The following LMO1 variants were observed in gnomAD, a reference collection of about 807,000 sequenced individuals.
LMO1 encodes the protein LIM domain only 1.
LMO1 carries 10 observed loss-of-function variants against 18.0 expected under a neutral mutation model. The observed-to-expected ratio is 0.55, with a 90% confidence interval of 0.34 to 0.94. The LOEUF is 0.94. LMO1 is among the 40% of genes least tolerant of loss of function. The pLI is 0.02. For missense variants in LMO1, 183 were observed against 205.7 expected (o/e 0.89, Z 0.68); for synonymous variants, 77 against 77.9 (o/e 0.99, Z 0.06).
intron 1 of LMO1, among the ~76,000 whole-genome samples, chr11:8,236,553 G>A (rs1019744729): frequency 1.3e-5 from 2 of 151,946 alleles, no homozygotes; most frequent in African/African-American, 4.8e-5. Context: ...CATGTGCTGT[G>A]CTGCAGGGCT....
At chr11:8,243,588 G>A (rs1261814193) in intron 1 of LMO1, among the ~76,000 whole-genome samples, 3 of 152,300 alleles carry the variant, frequency 2.0e-5, no homozygotes, top group South Asian at 2.1e-4. Context: ...TGGTATGGCC[G>A]CAGGCTGCAT....
At chr11:8,250,173 G>A (rs1846965593) in intron 1 of LMO1, among the ~76,000 whole-genome samples, 1 of 152,092 alleles carries the variant, frequency 6.6e-6, no homozygotes, top group Non-Finnish European at 1.5e-5. Context: ...TTTTGCCACT[G>A]TCAGGATTTC....
At chr11:8,265,506 A>G (rs1341036276), upstream of LMO1, among the ~76,000 whole-genome samples, 1 of 152,224 alleles carries the variant, frequency 6.6e-6, no homozygotes, top group Non-Finnish European at 1.5e-5. Context: ...CCTCATCTGC[A>G]GCTCAGAGGG....
chr11:8,228,255 A>G (rs1333161409), intron 2 of LMO1, among the ~76,000 whole-genome samples: 3 of 152,224 alleles, frequency 2.0e-5, no homozygotes, highest in Non-Finnish European at 4.4e-5. Context: ...CCTTGGCTGG[A>G]TGTCCCAATG....
chr11:8,229,735 T>G (rs879892055), intron 2 of LMO1, among the ~76,000 whole-genome samples: 1 of 152,222 alleles, frequency 6.6e-6, no homozygotes, highest in Non-Finnish European at 1.5e-5. Context: ...GGCTCACAGC[T>G]AGTTCCAACC....
intron 1 of LMO1, among the ~76,000 whole-genome samples, chr11:8,238,011 G>C (rs1590537689): frequency 6.6e-6 from 1 of 152,236 alleles, no homozygotes; most frequent in Non-Finnish European, 1.5e-5. Context: ...AAAGCAATTA[G>C]CTGAGAAAAT....
intron 1 of LMO1, among the ~76,000 whole-genome samples, chr11:8,240,103 T>C (rs902548538): frequency 4.4e-5 from 4 of 91,204 alleles, no homozygotes; most frequent in Admixed American, 1.5e-4. Context: ...CTCCAAGCAA[T>C]GGGGAAAGTG....
intron 1 of LMO1, among the ~76,000 whole-genome samples, chr11:8,245,687 T>A (rs760628472): frequency 6.6e-6 from 1 of 152,242 alleles, no homozygotes; most frequent in African/African-American, 2.4e-5. Flanking sequence ...GCTTCTCTCC[T>A]AAACACTCAT....
chr11:8,229,107 C>T (rs1035183439), intron 2 of LMO1, among the ~76,000 whole-genome samples: 3 of 151,702 alleles, frequency 2.0e-5, no homozygotes, highest in African/African-American at 4.8e-5. Context: ...GGGTTGGTCT[C>T]GAACTCCTGA....
chr11:8,251,994 G>T (rs900997786), intron 1 of LMO1, among the ~76,000 whole-genome samples: 1 of 54,500 alleles, frequency 1.8e-5, no homozygotes, highest in African/African-American at 4.0e-5. Context: ...GGGGGTGTGC[G>T]TGTGTGTGTG....
chr11:8,267,641 C>T (rs1442384157), upstream of LMO1, among the ~76,000 whole-genome samples: 1 of 152,218 alleles, frequency 6.6e-6, no homozygotes, highest in Non-Finnish European at 1.5e-5. Flanking sequence ...GCGTGGGGCT[C>T]TTTAAGAAAA....
chr11:8,266,392 C>A (rs920032173), upstream of LMO1, among the ~76,000 whole-genome samples: 6 of 151,772 alleles, frequency 4.0e-5, no homozygotes, highest in African/African-American at 1.5e-4. Context: ...CCCACCCAAG[C>A]TGCTTCTAGG....
chr11:8,246,242 A>G (rs1357435099), intron 1 of LMO1, among the ~76,000 whole-genome samples: 1 of 152,224 alleles, frequency 6.6e-6, no homozygotes, highest in African/African-American at 2.4e-5. Context: ...TTGTACATGA[A>G]CGTTCCTAGC....
chr11:8,263,703 CTG>C lies in LMO1; in HGVS notation c.-343_-342del. The C allele has an allele frequency of 8.2e-7, 1 of 1,219,186 alleles. No homozygotes were observed. Among genetic ancestry groups the C allele is most frequent in the Non-Finnish European group, 1.0e-6 (1 of 977,442 alleles). 75.5% of individuals were successfully genotyped at this position (1,219,186 alleles called of 1,614,324 possible). On this transcript the variant is annotated 5_prime_UTR_variant, in exon 1 of 4. Coordinates refer to ENST00000335790, the MANE Select transcript of LMO1 (RefSeq NM_002315.3). ...AATGGCTCAATTTGCCCAGTATAAT[CTG>C]TCTTAATGTAATTGCATTTGATAGC...
intron 1 of LMO1, among the ~76,000 whole-genome samples, chr11:8,247,046 C>T (rs1048495022): frequency 2.0e-5 from 3 of 152,248 alleles, no homozygotes; most frequent in Non-Finnish European, 4.4e-5. Flanking sequence ...CTCTCCTTGG[C>T]CCATCTGCTT....
upstream of LMO1, chr11:8,268,471 C>CTAGCGCCGAGGATACGGAGGGGCGCG (rs1847283835): frequency 6.3e-6 from 9 of 1,431,784 alleles, no homozygotes; most frequent in African/African-American, 1.3e-4. Context: ...TCCAGCCGGA[C>CTAGCGCCGAGGATACGGAGGGGCGCG]TAGCGCCGAG....
At chr11:8,245,883 G>A (rs752516180) in intron 1 of LMO1, among the ~76,000 whole-genome samples, 29 of 152,190 alleles carry the variant, frequency 1.9e-4, no homozygotes, top group Admixed American at 1.4e-3. Context: ...TCTGCTCCTG[G>A]TGAGTCCTCA....
chr11:8,256,264 T>C (rs1282805207), intron 1 of LMO1, among the ~76,000 whole-genome samples: 2 of 152,232 alleles, frequency 1.3e-5, no homozygotes, highest in Non-Finnish European at 2.9e-5. Flanking sequence ...CATGAAACTT[T>C]CTGGTTTATC....
chr11:8,238,670 C>CAAAAAA (rs11375128), intron 1 of LMO1, among the ~76,000 whole-genome samples: 5 of 60,828 alleles, frequency 8.2e-5, no homozygotes, highest in East Asian at 4.7e-4. Context: ...GACTCCATCT[C>CAAAAAA]AAAAAAAAAA....
Sources: allele counts gnomAD v4.1 joint callset (sites outside exome capture counted in the v4.1 genomes callset), GRCh38; gene constraint gnomAD v4.1.1; transcripts MANE v1.5; gene names NCBI Gene and HGNC (gene_info 2026-07-23, HGNC 2026-07-21).